NCOA5: variants seen among roughly 807,000 people sequenced by gnomAD.
The protein encoded by NCOA5 is nuclear receptor coactivator 5, also known as NCoA-5.
A neutral mutation model predicts 59.0 loss-of-function variants in NCOA5; 12 were observed. The ratio of observed to expected loss-of-function variants is 0.20; its 90% confidence interval spans 0.13 to 0.33. NCOA5 has a LOEUF of 0.33. Among genes scored for constraint, NCOA5 ranks in the 10% least tolerant of loss-of-function variants. The pLI is 1.00. For synonymous variants in NCOA5, 270 were observed against 275.5 expected (o/e 0.98, Z 0.20); for missense variants, 655 against 766.6 (o/e 0.85, Z 1.72).
chr20:46,066,404 G>A (rs147714001), intron 5 of NCOA5, among the ~76,000 whole-genome samples: 8 of 152,266 alleles, frequency 5.3e-5, no homozygotes, highest in Admixed American at 4.6e-4. Flanking sequence ...CAAAGTATTG[G>A]GCATTTGGGT....
chr20:46,081,726 C>T (rs115726535), intron 1 of NCOA5, among the ~76,000 whole-genome samples: 2,854 of 150,978 alleles, frequency 0.019, 105 homozygotes, highest in African/African-American at 0.066. Context: ...TTTAAGAGTT[C>T]CTTAAATTTC....
At chr20:46,082,698 A>G (rs935159921) in intron 1 of NCOA5, among the ~76,000 whole-genome samples, 5 of 152,212 alleles carry the variant, frequency 3.3e-5, no homozygotes, top group African/African-American at 4.8e-5. Context: ...CTTGGCCTGA[A>G]TATCTATAGT....
chr20:46,072,413 C>T (rs2084891935), intron 2 of NCOA5, among the ~76,000 whole-genome samples: 1 of 152,192 alleles, frequency 6.6e-6, no homozygotes, highest in African/African-American at 2.4e-5. Flanking sequence ...CGGAACACTA[C>T]AGCCTTGAAC....
At chr20:46,079,320 C>T (rs1016927095) in intron 2 of NCOA5, 67 bp downstream of exon 2, 14 of 1,492,574 alleles carry the variant, frequency 9.4e-6, no homozygotes, top group African/African-American at 2.8e-5. Flanking sequence ...CTTTGGTGTA[C>T]GAAGCTGGGC....
intron 2 of NCOA5, among the ~76,000 whole-genome samples, chr20:46,071,345 A>C (rs1014500379): frequency 1.3e-5 from 2 of 152,186 alleles, no homozygotes; most frequent in African/African-American, 4.8e-5. Flanking sequence ...TGACAAAATC[A>C]TCTTTCCACT....
intron 1 of NCOA5, among the ~76,000 whole-genome samples, chr20:46,089,508 T>A (rs1437006031): frequency 6.6e-6 from 1 of 152,102 alleles, no homozygotes; most frequent in Non-Finnish European, 1.5e-5. Flanking sequence ...AGAGAAGCCT[T>A]GAGGACTCCT....
intron 3 of NCOA5, among the ~76,000 whole-genome samples, 181 bp downstream of exon 3, chr20:46,070,029 A>T (rs2084864969): frequency 6.6e-6 from 1 of 152,320 alleles, no homozygotes; most frequent in Non-Finnish European, 1.5e-5. Flanking sequence ...TTCTGTTAAA[A>T]ATGTTGAAAA....
At chr20:46,063,290 T>G (rs1355771303) in intron 7 of NCOA5, 70 bp downstream of exon 7, 2 of 1,516,794 alleles carry the variant, frequency 1.3e-6, no homozygotes, top group Admixed American at 3.7e-5. Flanking sequence ...CCTGACACCC[T>G]CCCAACAGAG....
At position 46,062,587 on chromosome 20, in the gene NCOA5, G is replaced by A; in HGVS notation, c.1453C>T (p.Pro485Ser). The change falls in exon 8 of 8, where the codon CCA (proline) becomes TCA (serine). Residue 485 changes from proline to serine, a missense_variant. Pro to Ser is a moderately conservative substitution (Grantham distance 74). Transcript: ENST00000290231. Reference sequence around the variant, plus strand: ...GATCCTCCCTGTCCCAAAATGCTTGGAGGCTGATTGCCAGAAGCCTGTGAT... The same window carrying A: ...GATCCTCCCTGTCCCAAAATGCTTGAAGGCTGATTGCCAGAAGCCTGTGAT... ...QRSQASGNQP[P>S]SILGQGGSAQ... The A allele has an allele frequency of 6.2e-7, 1 of 1,614,236 alleles. No individual in the cohort carries two copies. Among genetic ancestry groups the A allele is most frequent in the Non-Finnish European group, 8.5e-7 (1 of 1,180,040 alleles).
At chr20:46,080,619 C>A (rs527265553) in intron 1 of NCOA5, among the ~76,000 whole-genome samples, 1 of 152,074 alleles carries the variant, frequency 6.6e-6, no homozygotes. Flanking sequence ...TGCTATTTTG[C>A]CAACTTTTGA....
intron 1 of NCOA5, among the ~76,000 whole-genome samples, chr20:46,089,593 T>C (rs1009361056): frequency 2.0e-5 from 3 of 151,818 alleles, no homozygotes; most frequent in East Asian, 2.0e-4. Flanking sequence ...CAGAGAACCG[T>C]AGGCCGCCTC....
chr20:46,065,810 G>A (rs1030323499), intron 5 of NCOA5, among the ~76,000 whole-genome samples: 1 of 152,016 alleles, frequency 6.6e-6, no homozygotes, highest in African/African-American at 2.4e-5. Context: ...TGCCCCATTG[G>A]GTGTAAGCTC....
chr20:46,078,183 C>T (rs1412372028), intron 2 of NCOA5, among the ~76,000 whole-genome samples: 1 of 100,776 alleles, frequency 9.9e-6, no homozygotes, highest in African/African-American at 3.3e-5. Context: ...AGCAGCATTA[C>T]TTGCCCTTAG....
intron 1 of NCOA5, among the ~76,000 whole-genome samples, chr20:46,087,659 T>G (rs1406653255): frequency 1.3e-5 from 2 of 152,188 alleles, no homozygotes; most frequent in Non-Finnish European, 2.9e-5. Flanking sequence ...CTTAGGAGAC[T>G]GAGGCAGGAG....
At chr20:46,079,743 C>T (rs948352340) in intron 1 of NCOA5, among the ~76,000 whole-genome samples, 1 of 152,232 alleles carries the variant, frequency 6.6e-6, no homozygotes, top group Admixed American at 6.5e-5. Context: ...AGACCTGACA[C>T]ATTCCCTCCA....
intron 7 of NCOA5, among the ~76,000 whole-genome samples, chr20:46,063,152 T>C (rs577633913): frequency 6.6e-6 from 1 of 152,252 alleles, no homozygotes; most frequent in Admixed American, 6.5e-5. Context: ...ATCCACCACA[T>C]TAACTATAGG....
At chr20:46,078,992 C>T (rs116526516) in intron 2 of NCOA5, among the ~76,000 whole-genome samples, 7 of 152,264 alleles carry the variant, frequency 4.6e-5, no homozygotes, top group African/African-American at 7.2e-5. Context: ...ACATCTGGAC[C>T]GGCAGCCATT....
chr20:46,070,331 G>A lies in NCOA5; in HGVS notation c.244C>T (p.Arg82Trp), dbSNP rs41282786. ...AAGTCTCTAAGATCCCTCACGTCCC[G>A]AACGTCGCGCACACTCCTGCTGTCT... ...HRDSRSVRDV[R>W]DVRDLRDFRD... Residue 82 changes from arginine to tryptophan, a missense_variant, in exon 3 of 8, where the codon CGG (arginine) becomes TGG (tryptophan). By Grantham distance (101) the Arg-to-Trp change is moderately radical (BLOSUM62 -3). Coordinates refer to ENST00000290231, the MANE Select transcript of NCOA5 (RefSeq NM_020967.3). 8.1e-6 allele frequency: 13 copies of A among 1,613,430 alleles called. No homozygotes were observed. Among genetic ancestry groups the A allele is most frequent in the African/African-American group, 4.0e-5 (3 of 74,774 alleles).
intron 2 of NCOA5, among the ~76,000 whole-genome samples, chr20:46,073,532 A>C (rs2084906646): frequency 6.6e-6 from 1 of 152,220 alleles, no homozygotes; most frequent in Admixed American, 6.5e-5. Flanking sequence ...TCCAAAGAGA[A>C]AGGACAACTG....
Sources: gnomAD v4.1 joint callset for allele counts (sites outside exome capture counted in the v4.1 genomes callset) on GRCh38, gnomAD v4.1.1 for gene constraint, MANE v1.5 for transcripts, NCBI Gene and HGNC (gene_info 2026-07-23, HGNC 2026-07-21) for gene names.